XKR9: variants seen among roughly 807,000 people sequenced by gnomAD.
The protein encoded by XKR9 is XK-related protein 9.
Under a neutral mutation model 32.0 loss-of-function variants are expected in XKR9, and 32 were observed. That is an observed-to-expected ratio of 1.00 (90% confidence interval 0.76 to 1.34). The LOEUF is 1.34. Among genes scored for constraint, XKR9 ranks in the 40% most tolerant of loss-of-function variants. The pLI is 0.00. For missense variants in XKR9, 546 were observed against 429.7 expected (o/e 1.27, Z -2.39); for synonymous variants, 168 against 143.4 (o/e 1.17, Z -1.22).
At chr8:70,830,701 A>G in the XKR9 span, among the ~76,000 whole-genome samples, 1 of 152,252 alleles carries the variant, frequency 6.6e-6, no homozygotes, top group Non-Finnish European at 1.5e-5. Flanking sequence ...GTCTACGGAT[A>G]TAGCATACTA....
At chr8:70,672,564 G>T (rs1432444651) in intron 1 of XKR9, among the ~76,000 whole-genome samples, 4 of 152,062 alleles carry the variant, frequency 2.6e-5, no homozygotes, top group Non-Finnish European at 5.9e-5. Context: ...TTGTCCCTTT[G>T]ATATACAAAT....
At chr8:70,909,247 CGT>C in the XKR9 span, among the ~76,000 whole-genome samples, 1 of 152,152 alleles carries the variant, frequency 6.6e-6, no homozygotes, top group African/African-American at 2.4e-5. Flanking sequence ...ATTGCCTCCT[CGT>C]GCTCTTGGTT....
chr8:70,823,785 G>C, the XKR9 span, among the ~76,000 whole-genome samples: 14 of 152,124 alleles, frequency 9.2e-5, no homozygotes, highest in African/African-American at 3.1e-4. Flanking sequence ...GTGTCAGGGT[G>C]GGGGAATCAA....
chr8:70,883,310 TTCC>T, the XKR9 span, among the ~76,000 whole-genome samples: 4 of 152,302 alleles, frequency 2.6e-5, no homozygotes, highest in South Asian at 6.2e-4. Flanking sequence ...AGACATTTCA[TTCC>T]TTTTCATGGC....
the XKR9 span, among the ~76,000 whole-genome samples, chr8:71,013,240 T>C: frequency 2.6e-5 from 4 of 152,058 alleles, no homozygotes; most frequent in South Asian, 4.2e-4. Context: ...TGAATATAGA[T>C]GAAGGGTAGG....
chr8:70,742,816 C>A (rs1182257304), intron 2 of XKR9, among the ~76,000 whole-genome samples: 4 of 151,964 alleles, frequency 2.6e-5, no homozygotes, highest in Non-Finnish European at 5.9e-5. Context: ...TTTTCTCTAG[C>A]TATTCTTGAG....
In XKR9 at chr8:70,778,983, A is replaced by G. The variant is rs1043131763; in HGVS notation, n.353-10356A>G. On this transcript the variant is annotated intron_variant and non_coding_transcript_variant, in intron 2 of 3. Coordinates refer to the XKR9 transcript ENST00000520273. ...TGCCCTGGCCAGAACTTCCAACACT[A>G]TGTTGAATAGGAGTGGTGAGAGAAG... 7.2e-5 allele frequency among the ~76,000 whole-genome samples: 11 copies of G among 152,174 alleles called. No individual in the cohort carries two copies. The South Asian group carries it at 2.1e-3, about 29-fold the overall frequency.
chr8:70,902,322 A>G, the XKR9 span, among the ~76,000 whole-genome samples: 1 of 152,056 alleles, frequency 6.6e-6, no homozygotes, highest in Non-Finnish European at 1.5e-5. Context: ...GTCCTCTTTT[A>G]TTTCATTGAG....
rs147892421 is a variant in XKR9, at chr8:70,752,041, T to G, written n.353-37298T>G. ...AAGCCAATTCCTTGAAGCAAATCTA[T>G]GTATTCATCCAATTGATTTTTTTGT... On this transcript the variant is annotated intron_variant and non_coding_transcript_variant, in intron 2 of 3. Coordinates refer to the XKR9 transcript ENST00000520273. Among the ~76,000 whole-genome samples, 279 of 152,348 alleles carry G rather than the reference T, an allele frequency of 1.8e-3. 4 individuals carry two copies. The highest frequency in any genetic ancestry group is 0.015 in the Admixed American group (226 of 15,296).
chr8:70,754,577 G>A (rs903569728), intron 2 of XKR9, among the ~76,000 whole-genome samples: 1 of 150,800 alleles, frequency 6.6e-6, no homozygotes, highest in Non-Finnish European at 1.5e-5. Flanking sequence ...ATAGATCAGT[G>A]GAACAGAACA....
At chr8:71,046,768 C>A in the XKR9 span, among the ~76,000 whole-genome samples, 1 of 152,184 alleles carries the variant, frequency 6.6e-6, no homozygotes, top group Non-Finnish European at 1.5e-5. Context: ...TGGAAGAATG[C>A]ACCAATGGTG....
At chr8:70,695,135 T>A (rs1472909659) in intron 3 of XKR9, among the ~76,000 whole-genome samples, 2 of 116,228 alleles carry the variant, frequency 1.7e-5, no homozygotes, top group Admixed American at 8.2e-5. Flanking sequence ...TTTCTTTTTT[T>A]TTTTTTTTTT....
chr8:70,921,213 G>C, the XKR9 span, among the ~76,000 whole-genome samples: 1 of 152,224 alleles, frequency 6.6e-6, no homozygotes, highest in Admixed American at 6.5e-5. Flanking sequence ...CTCCTTGCCA[G>C]CCACCCAAGT....
chr8:70,675,857 C>A (rs902597715), intron 2 of XKR9, among the ~76,000 whole-genome samples: 3 of 152,190 alleles, frequency 2.0e-5, no homozygotes, highest in African/African-American at 7.2e-5. Flanking sequence ...CCTCATCTTC[C>A]CTTCTTCTCT....
chr8:70,902,036 T>C, the XKR9 span, among the ~76,000 whole-genome samples: 1 of 151,210 alleles, frequency 6.6e-6, no homozygotes, highest in Non-Finnish European at 1.5e-5. Context: ...TTTGGTACCA[T>C]GCTGTTTTGG....
Position 70,741,913 on chromosome 8 carries a change from T to C in XKR9, n.352+34760T>C, listed in dbSNP as rs529813935. On this transcript the variant is annotated intron_variant and non_coding_transcript_variant, in intron 2 of 3. Transcript: ENST00000520273. ...GCACTATTTTACAATCCCACCAACA[T>C]TGCATAAATGCCCCAGTTTCTCTAT... Among the ~76,000 whole-genome samples the C allele has an allele frequency of 6.6e-5, 10 of 152,188 alleles. No individual in the cohort carries two copies. In the East Asian group the frequency reaches 1.9e-3, roughly 29 times the overall value.
intron 4 of XKR9, among the ~76,000 whole-genome samples, chr8:70,728,304 A>T (rs1034645247): frequency 2.0e-5 from 3 of 152,146 alleles, no homozygotes; most frequent in African/African-American, 7.2e-5. Context: ...AAAAAGGGCG[A>T]AGACTTCTCT....
the XKR9 span, among the ~76,000 whole-genome samples, chr8:70,892,941 C>G: frequency 1.3e-5 from 2 of 151,876 alleles, no homozygotes; most frequent in Non-Finnish European, 2.9e-5. Flanking sequence ...ATATATTTTT[C>G]TTTATCTTCT....
chr8:70,723,887 C>CTTT (rs4008977), intron 4 of XKR9, among the ~76,000 whole-genome samples: 10,077 of 139,712 alleles, frequency 0.072, 467 homozygotes, highest in Non-Finnish European at 0.088. Context: ...TAGGTGGGAA[C>CTTT]TTTTTTTTTT....
Sources: allele counts gnomAD v4.1 joint callset (sites outside exome capture counted in the v4.1 genomes callset), GRCh38; gene constraint gnomAD v4.1.1; transcripts MANE v1.5; gene names NCBI Gene and HGNC (gene_info 2026-07-23, HGNC 2026-07-21).